The following OSBPL6 variants were observed in gnomAD, a reference collection of about 807,000 sequenced individuals.
The protein encoded by OSBPL6 is oxysterol-binding protein-related protein 6.
OSBPL6 carries 49 observed loss-of-function variants against 125.8 expected under a neutral mutation model. That is an observed-to-expected ratio of 0.39 (90% CI 0.31 to 0.49). OSBPL6 has a LOEUF of 0.49. Ranked by LOEUF, OSBPL6 falls within the 20% of genes least tolerant of loss-of-function variation. OSBPL6 has a pLI of 0.88. For synonymous variants in OSBPL6, 394 were observed against 391.8 expected (o/e 1.01, Z -0.07); for missense variants, 986 against 1,135.4 (o/e 0.87, Z 1.89).
At chr2:178,384,309 T>C in intron 18 of OSBPL6, 133 bp downstream of exon 18, 1 of 1,208,776 alleles carries the variant, frequency 8.3e-7, no homozygotes, top group Non-Finnish European at 1.2e-6. Flanking sequence ...CTGAGACAGG[T>C]CTTAATCAGT....
At chr2:178,276,782 G>GTTTTT (rs60096710) in intron 1 of OSBPL6, among the ~76,000 whole-genome samples, 1 of 138,144 alleles carries the variant, frequency 7.2e-6, no homozygotes, top group Non-Finnish European at 1.6e-5. Flanking sequence ...CACTAGAAGA[G>GTTTTT]TTTTTTTTTT....
intron 1 of OSBPL6, among the ~76,000 whole-genome samples, chr2:178,246,876 G>C (rs147165989): frequency 6.6e-6 from 1 of 152,018 alleles, no homozygotes; most frequent in African/African-American, 2.4e-5. Flanking sequence ...ACTTGCCTTC[G>C]TCACAGGGAC....
At chr2:178,198,404 C>A (rs913071349) in intron 1 of OSBPL6, among the ~76,000 whole-genome samples, 1 of 151,632 alleles carries the variant, frequency 6.6e-6, no homozygotes, top group Non-Finnish European at 1.5e-5. Context: ...TCAAGCGATT[C>A]TTCTGCCTCA....
At chr2:178,326,190 A>T (rs949201124) in intron 4 of OSBPL6, among the ~76,000 whole-genome samples, 1 of 151,946 alleles carries the variant, frequency 6.6e-6, no homozygotes, top group Non-Finnish European at 1.5e-5. Flanking sequence ...CACCTGCTAA[A>T]GCATTTTTAT....
rs571337468 is a variant in OSBPL6 at position 178,402,803 on chromosome 2, A to G, written c.*7244A>G. On this transcript the variant is annotated 3_prime_UTR_variant, in exon 25 of 25. Transcript: ENST00000190611. ...TTTGTCTAATCTGTGCCACCTCAAAATAAGAATTGTGCCTCTTCAATGAAT... is the reference window on the plus strand; with the variant it reads ...TTTGTCTAATCTGTGCCACCTCAAAGTAAGAATTGTGCCTCTTCAATGAAT... The G allele has an allele frequency of 3.3e-5, 5 of 152,338 alleles. No homozygotes were observed. Among genetic ancestry groups the G allele is most frequent in the South Asian group, 4.1e-4 (2 of 4,824 alleles). The allele number at this position is 152,338 out of a possible 1,614,324, so 9.4% of individuals were successfully genotyped here.
chr2:178,355,574 C>G (rs1042269942), intron 12 of OSBPL6, among the ~76,000 whole-genome samples: 3 of 152,152 alleles, frequency 2.0e-5, no homozygotes, highest in Non-Finnish European at 2.9e-5. Flanking sequence ...ATACCAGGCT[C>G]TGAAATTGAA....
intron 1 of OSBPL6, among the ~76,000 whole-genome samples, chr2:178,249,791 T>G (rs1391065854): frequency 6.6e-6 from 1 of 151,582 alleles, no homozygotes; most frequent in Non-Finnish European, 1.5e-5. Flanking sequence ...TATAAGTAAA[T>G]CTCCAGTTGC....
At chr2:178,293,698 T>G (rs1353000342) in intron 2 of OSBPL6, among the ~76,000 whole-genome samples, 1 of 152,096 alleles carries the variant, frequency 6.6e-6, no homozygotes, top group Non-Finnish European at 1.5e-5. Flanking sequence ...GTCTATAGTC[T>G]CCCTGTTATG....
chr2:178,273,139 G>T (rs2092404427), intron 1 of OSBPL6, among the ~76,000 whole-genome samples: 1 of 152,138 alleles, frequency 6.6e-6, no homozygotes, highest in Non-Finnish European at 1.5e-5. Flanking sequence ...ATGATTGGGG[G>T]AATTGCAAGA....
chr2:178,336,470 A>G, intron 9 of OSBPL6, 37 bp downstream of exon 9: 1 of 1,603,288 alleles, frequency 6.2e-7, no homozygotes, highest in Non-Finnish European at 8.5e-7. Context: ...GAGTAAGCCA[A>G]AACCAAACAA....
intron 1 of OSBPL6, among the ~76,000 whole-genome samples, chr2:178,279,219 G>A (rs1683880492): frequency 1.3e-5 from 2 of 152,210 alleles, no homozygotes; most frequent in Admixed American, 1.3e-4. Context: ...CTAATCTTTG[G>A]TAGACTACAT....
At chr2:178,215,403 T>C (rs2090051582) in intron 1 of OSBPL6, among the ~76,000 whole-genome samples, 1 of 152,210 alleles carries the variant, frequency 6.6e-6, no homozygotes. Flanking sequence ...GCCTTTTTGT[T>C]TATCACAGCA....
chr2:178,332,524 A>G (rs12464806), intron 6 of OSBPL6, 117 bp from the exon 7 acceptor site: 112,748 of 726,898 alleles, frequency 0.16, 9,804 homozygotes, highest in Admixed American at 0.26. Context: ...AAGGAGGTAT[A>G]TGTAGTATTC....
Position 178,396,517 on chromosome 2 carries a change from G to A in OSBPL6, c.*958G>A, listed in dbSNP as rs1462030509. On this transcript the variant is annotated 3_prime_UTR_variant, in exon 25 of 25. Coordinates refer to ENST00000190611, the MANE Select transcript of OSBPL6 (RefSeq NM_032523.4). ...ATAACAAAAAGCATATGGAATTCCT[G>A]TGTGGGCTTAGTAGTACTATAAATG... 3.9e-5 allele frequency: 6 copies of A among 152,234 alleles called. No individual in the cohort carries two copies. The highest frequency in any genetic ancestry group is 2.1e-4 in the South Asian group (1 of 4,832). The allele number at this position is 152,234 out of a possible 1,614,324, so 9.4% of individuals were successfully genotyped here. A position where few individuals can be genotyped will look rare whatever the true frequency, so the allele number is the denominator to read the frequency against.
At chr2:178,252,501 T>C (rs573129340) in intron 1 of OSBPL6, among the ~76,000 whole-genome samples, 2 of 151,730 alleles carry the variant, frequency 1.3e-5, no homozygotes, top group East Asian at 3.9e-4. Context: ...AACCAAAACA[T>C]TTAAACCGGG....
chr2:178,287,166 A>C (rs1023361204), intron 2 of OSBPL6, among the ~76,000 whole-genome samples: 4 of 130,788 alleles, frequency 3.1e-5, no homozygotes, highest in Admixed American at 7.9e-5. Context: ...AAAAAAAAAA[A>C]AAACAAATTA....
intron 11 of OSBPL6, among the ~76,000 whole-genome samples, chr2:178,343,433 T>C (rs1231500368): frequency 6.6e-6 from 1 of 151,484 alleles, no homozygotes; most frequent in Non-Finnish European, 1.5e-5. Context: ...GGTGTCAGGG[T>C]CTGTCAGATG....
At chr2:178,204,248 A>C (rs938063846) in intron 1 of OSBPL6, among the ~76,000 whole-genome samples, 8 of 151,864 alleles carry the variant, frequency 5.3e-5, no homozygotes, top group African/African-American at 1.5e-4. Flanking sequence ...AGTCTCGAAC[A>C]CCTGACCTCA....
intron 1 of OSBPL6, among the ~76,000 whole-genome samples, chr2:178,276,038 T>A (rs1478584504): frequency 6.6e-6 from 1 of 152,242 alleles, no homozygotes; most frequent in Admixed American, 6.5e-5. Context: ...GTTTTTTAAC[T>A]CTTTTAAAGA....
Sources: gnomAD v4.1 joint callset for allele counts (sites outside exome capture counted in the v4.1 genomes callset) on GRCh38, gnomAD v4.1.1 for gene constraint, MANE v1.5 for transcripts, NCBI Gene and HGNC (gene_info 2026-07-23, HGNC 2026-07-21) for gene names.